Variants in GRXCR2 observed in about 807,000 individuals in gnomAD.
The protein encoded by GRXCR2 is glutaredoxin and cysteine rich domain containing 2.
GRXCR2 carries 23 observed loss-of-function variants against 24.8 expected under a neutral mutation model. The ratio of observed to expected loss-of-function variants is 0.93; its 90% CI spans 0.67 to 1.32. The LOEUF is 1.32. GRXCR2 is among the 40% of genes most tolerant of loss of function. GRXCR2 has a pLI of 0.00. For synonymous variants in GRXCR2, 130 were observed against 116.1 expected, an observed-to-expected ratio of 1.12 and a Z score of -0.77; for missense variants, 315 against 303.4, an observed-to-expected ratio of 1.04 and a Z score of -0.28.
At chr5:145,921,943 T>C (rs753999605) in intron 2 of GRXCR2, among the ~76,000 whole-genome samples, 17 of 152,192 alleles carry the variant, frequency 1.1e-4, no homozygotes, top group Admixed American at 2.6e-4. Flanking sequence ...AATTTATAGA[T>C]TCAAGGAGAC....
upstream of GRXCR2, among the ~76,000 whole-genome samples, chr5:145,874,306 C>A (rs527565202): frequency 4.6e-5 from 7 of 151,922 alleles, no homozygotes; most frequent in African/African-American, 1.7e-4. Flanking sequence ...TGAGTTCGAG[C>A]AATTCTCATG....
intron 2 of GRXCR2, among the ~76,000 whole-genome samples, chr5:145,882,556 C>A (rs1456764310): frequency 6.6e-6 from 1 of 152,060 alleles, no homozygotes; most frequent in Non-Finnish European, 1.5e-5. Flanking sequence ...AATAGGAACA[C>A]TTTTTACACT....
rs962315170 is a variant in GRXCR2 at position 145,872,799 on chromosome 5, G to A, written c.170C>T (p.Ser57Phe). The change falls in exon 1 of 3, where the codon TCT (serine) becomes TTT (phenylalanine). Residue 57 changes from serine (S) to phenylalanine (F), a missense_variant. Transcript: ENST00000377976. ...EEYPHSFLQESLETMDGVYGS... is the reference protein window; with the variant it reads ...EEYPHSFLQEFLETMDGVYGS... ...ATAAACACCATCCATTGTTTCAAGA[G>A]ACTCTTGCAGAAAACTGTGAGGGTA... is the stretch of plus-strand genomic sequence containing the variant. The A allele has an allele frequency of 6.2e-7, 1 of 1,614,194 alleles. No homozygotes were observed. Among genetic ancestry groups the A allele is most frequent in the Non-Finnish European group, 8.5e-7 (1 of 1,180,046 alleles).
chr5:145,859,789 T>C lies in GRXCR2; in HGVS notation c.691A>G (p.Arg231Gly), dbSNP rs1264823549. ...NRFKESYRAL[R>G]CPACNENGLQ... ...CCATTCTCATTGCAGGCAGGGCACC[T>C]CAGGGCCCGATAGGACTCCTTAAAT... The change falls in exon 3 of 3, where the codon AGG (arginine) becomes GGG (glycine). Residue 231 changes from arginine (R) to glycine (G), a missense_variant. Transcript: ENST00000377976. 1.2e-6 allele frequency: 2 copies of C among 1,614,186 alleles called. No homozygotes were observed. The highest frequency in any genetic ancestry group is 1.7e-5 in the Admixed American group (1 of 60,016).
intron 2 of GRXCR2, among the ~76,000 whole-genome samples, chr5:145,901,064 CAT>C (rs1418434873): frequency 1.3e-5 from 2 of 151,038 alleles, no homozygotes; most frequent in Non-Finnish European, 2.9e-5. Context: ...CCAAATCCCA[CAT>C]GTTTTCACTT....
intron 2 of GRXCR2, among the ~76,000 whole-genome samples, chr5:145,892,573 G>C (rs1756884842): frequency 6.6e-6 from 1 of 152,134 alleles, no homozygotes; most frequent in Non-Finnish European, 1.5e-5. Context: ...GAGAAGAGAA[G>C]TTTAGAGAAA....
chr5:145,859,713 G>A lies in GRXCR2; in HGVS notation c.*20C>T, dbSNP rs377621189. On this transcript the variant is annotated 3_prime_UTR_variant, in exon 3 of 3. Transcript: ENST00000377976. ...ACTTTAGGGAGGGTAAGATAACAGTGGACATGCAAAAGCCACGGGCTATTG... is the reference window on the plus strand; with the variant it reads ...ACTTTAGGGAGGGTAAGATAACAGTAGACATGCAAAAGCCACGGGCTATTG... The A allele has an allele frequency of 1.2e-5, 19 of 1,611,428 alleles. No individual in the cohort carries two copies. In the African/African-American group the frequency reaches 1.2e-4, roughly 10 times the overall value.
chr5:145,890,074 C>T (rs1756842361), intron 2 of GRXCR2, among the ~76,000 whole-genome samples: 1 of 152,100 alleles, frequency 6.6e-6, no homozygotes, highest in African/African-American at 2.4e-5. Flanking sequence ...AAAATAAAGA[C>T]AAAAGTTTTT....
intron 2 of GRXCR2, among the ~76,000 whole-genome samples, chr5:145,922,610 C>T (rs1023401871): frequency 6.6e-6 from 1 of 152,132 alleles, no homozygotes; most frequent in African/African-American, 2.4e-5. Flanking sequence ...ATAGTTATCA[C>T]CTAGGTATTT....
intron 2 of GRXCR2, among the ~76,000 whole-genome samples, chr5:145,896,958 A>G (rs541503782): frequency 1.5e-3 from 224 of 152,218 alleles, no homozygotes; most frequent in African/African-American, 5.2e-3. Flanking sequence ...GCAGCCATAA[A>G]AAAGGATGAG....
At chr5:145,922,678 C>T (rs904308095) in intron 2 of GRXCR2, among the ~76,000 whole-genome samples, 4 of 152,184 alleles carry the variant, frequency 2.6e-5, no homozygotes, top group Non-Finnish European at 4.4e-5. Flanking sequence ...TTTTCTCTCT[C>T]AACACCCTTA....
Position 145,929,199 on chromosome 5 carries a change from C to CTATATATATATATA in GRXCR2, c.-70+6488_-70+6501dup, listed in dbSNP as rs72283862. Among the ~76,000 whole-genome samples, 584 of 116,400 alleles carry CTATATATATATATA rather than the reference C, an allele frequency of 5.0e-3. 5 individuals are homozygous for CTATATATATATATA. Among genetic ancestry groups the CTATATATATATATA allele is most frequent in the African/African-American group, 0.012 (387 of 31,616 alleles). The allele number at this position is 116,400 out of a possible 152,430, so 76.4% of individuals were successfully genotyped here. On this transcript the variant is annotated intron_variant, in intron 2 of 3. Coordinates refer to the GRXCR2 transcript ENST00000639411. Reference sequence around the variant, plus strand: ...TTTAATAGTTGTATAATATTCCCCCCTATATATATATATATATATATATAT... The same window carrying CTATATATATATATA: ...TTTAATAGTTGTATAATATTCCCCCCTATATATATATATATATATATATATATATATATATATAT...
chr5:145,903,531 A>C (rs983982180), intron 2 of GRXCR2, among the ~76,000 whole-genome samples: 1 of 15,698 alleles, frequency 6.4e-5, no homozygotes, highest in Non-Finnish European at 8.8e-5. Flanking sequence ...TTCAGAGTCA[A>C]AAAAAAAAAA....
intron 2 of GRXCR2, among the ~76,000 whole-genome samples, chr5:145,894,265 G>A (rs928441785): frequency 6.6e-6 from 1 of 152,070 alleles, no homozygotes; most frequent in African/African-American, 2.4e-5. Context: ...CTAGCAGAAG[G>A]CAAGAAATAA....
At chr5:145,886,522 A>G (rs886604634) in intron 2 of GRXCR2, among the ~76,000 whole-genome samples, 1 of 152,188 alleles carries the variant, frequency 6.6e-6, no homozygotes, top group South Asian at 2.1e-4. Context: ...TCTACTATTC[A>G]AAAACCCTGT....
At chr5:145,905,178 A>C (rs1408879184) in intron 2 of GRXCR2, among the ~76,000 whole-genome samples, 7 of 152,182 alleles carry the variant, frequency 4.6e-5, no homozygotes, top group Non-Finnish European at 1.0e-4. Flanking sequence ...AATACCCTTG[A>C]CTGATATAGA....
intron 2 of GRXCR2, among the ~76,000 whole-genome samples, chr5:145,894,332 A>G (rs891275285): frequency 5.9e-5 from 9 of 152,336 alleles, no homozygotes; most frequent in Middle Eastern, 3.4e-3. Flanking sequence ...CAAAAAATCA[A>G]TGAATCCAGG....
In GRXCR2 at chr5:145,927,994, A is replaced by C. The variant is rs535604841; in HGVS notation, c.-70+7707T>G. Among the ~76,000 whole-genome samples, 160 of 152,308 alleles carry C rather than the reference A, an allele frequency of 1.1e-3. 1 individual carries two copies. The highest frequency in any genetic ancestry group is 3.7e-3 in the African/African-American group (154 of 41,562). On this transcript the variant is annotated intron_variant, in intron 2 of 3. Coordinates refer to the GRXCR2 transcript ENST00000639411. ...TACAGAATGGGAGAAAATTTTTGCAATCTACTCATCTGACAAAGGGCTAAT... is the reference window on the plus strand; with the variant it reads ...TACAGAATGGGAGAAAATTTTTGCACTCTACTCATCTGACAAAGGGCTAAT...
chr5:145,923,616 G>A (rs1449915188), intron 2 of GRXCR2, among the ~76,000 whole-genome samples: 3 of 152,174 alleles, frequency 2.0e-5, no homozygotes, highest in Non-Finnish European at 4.4e-5. Context: ...TATGAGGCAT[G>A]CTCTCAAGGT....
Sources: allele counts gnomAD v4.1 joint callset (sites outside exome capture counted in the v4.1 genomes callset), GRCh38; gene constraint gnomAD v4.1.1; transcripts MANE v1.5; gene names NCBI Gene and HGNC (gene_info 2026-07-23, HGNC 2026-07-21).